FAT1: variants seen among roughly 807,000 people sequenced by gnomAD.
The protein encoded by FAT1 is FAT atypical cadherin 1, also known as protocadherin Fat 1.
In FAT1, 171 loss-of-function variants were observed where a neutral mutation model predicts 329.8. That is an observed-to-expected ratio of 0.52 (90% CI 0.46 to 0.59). The LOEUF is 0.59. Among genes scored for constraint, FAT1 ranks in the 20% least tolerant of loss-of-function variants. FAT1 has a pLI of 0.00. For synonymous variants in FAT1, 2,233 were observed against 2,228.6 expected, an observed-to-expected ratio of 1.00 and a Z score of -0.06; for missense variants, 5,672 against 5,774.4, an observed-to-expected ratio of 0.98 and a Z score of 0.57.
chr4:186,609,299 C>G lies in FAT1; in HGVS notation c.10090G>C (p.Gly3364Arg). 1 of 1,614,010 alleles carries G rather than the reference C, an allele frequency of 6.2e-7. No individual in the cohort carries two copies. The highest frequency in any genetic ancestry group is 8.5e-7 in the Non-Finnish European group (1 of 1,179,878). ...TAGTGGATGTGGCTGTTGGAAGGTC[C>G]ATCGGCATCATCGGCCATAACCTAG... ...VITVMADDAD[G>R]PSNSHIHYSI... The change falls in exon 16 of 27, where the codon GGA becomes CGA. Residue 3364 changes from glycine (G) to arginine (R), a missense_variant. Gly to Arg is a moderately radical substitution (Grantham distance 125). Coordinates refer to ENST00000441802, the MANE Select transcript of FAT1 (RefSeq NM_005245.4).
chr4:186,714,902 AC>A (rs1194832341), intron 1 of FAT1, among the ~76,000 whole-genome samples: 1 of 152,006 alleles, frequency 6.6e-6, no homozygotes, highest in Non-Finnish European at 1.5e-5. Context: ...ACATGGTGAA[AC>A]CCTGTCTCTA....
Position 186,606,161 on chromosome 4 carries a change from C to G in FAT1, c.10259G>C (p.Arg3420Thr), listed in dbSNP as rs1739125289. The change falls in exon 17 of 27, where the codon AGA becomes ACA. Residue 3420 changes from arginine to threonine, a missense_variant. Around this residue, in one of 2 missense-constraint regions of FAT1, gnomAD observed 1,706 missense variants for 1,859.1 expected, o/e 0.92. Coordinates refer to ENST00000441802, the MANE Select transcript of FAT1 (RefSeq NM_005245.4). ...GATGTTCACGGTCGTCGTGTTGACTCTGGGTGGACTGCCATTATCAGAAGC... is the reference window on the plus strand; with the variant it reads ...GATGTTCACGGTCGTCGTGTTGACTGTGGGTGGACTGCCATTATCAGAAGC... ...VQASDNGSPP[R>T]VNTTTVNIDV... 6.2e-7 allele frequency: 1 copy of G among 1,612,418 alleles called. No homozygotes were observed. The highest frequency in any genetic ancestry group is 8.5e-7 in the Non-Finnish European group (1 of 1,179,590).
At chr4:186,692,350 T>C (rs953653563) in intron 2 of FAT1, among the ~76,000 whole-genome samples, 4 of 152,090 alleles carry the variant, frequency 2.6e-5, no homozygotes, top group African/African-American at 7.3e-5. Context: ...TCTCGCTCTG[T>C]CGCCCAGGCT....
At chr4:186,639,841 G>T in intron 3 of FAT1, 58 bp from the exon 4 acceptor site, 1 of 1,402,434 alleles carries the variant, frequency 7.1e-7, no homozygotes, top group Non-Finnish European at 1.0e-6. Flanking sequence ...ACAAAATACT[G>T]CAATTAAAAT....
chr4:186,589,976 A>G (rs1738157262), intron 26 of FAT1, among the ~76,000 whole-genome samples: 1 of 152,214 alleles, frequency 6.6e-6, no homozygotes, highest in Non-Finnish European at 1.5e-5. Flanking sequence ...TAATATAGGT[A>G]TGTATCAAAG....
chr4:186,645,143 C>T (rs1451198572), intron 3 of FAT1, among the ~76,000 whole-genome samples: 1 of 151,790 alleles, frequency 6.6e-6, no homozygotes, highest in Non-Finnish European at 1.5e-5. Flanking sequence ...TGCTGCTCCA[C>T]CATTGCCTGA....
At chr4:186,686,769 AC>A (rs1743490156) in intron 2 of FAT1, among the ~76,000 whole-genome samples, 5 of 152,186 alleles carry the variant, frequency 3.3e-5, no homozygotes, top group Admixed American at 3.3e-4. Flanking sequence ...ATCCCATGAA[AC>A]AGTCTATCTG....
chr4:186,651,941 A>G (rs1741683717), intron 3 of FAT1, among the ~76,000 whole-genome samples: 1 of 152,216 alleles, frequency 6.6e-6, no homozygotes, highest in African/African-American at 2.4e-5. Flanking sequence ...CGGCAGGATT[A>G]GGCGTGGAGC....
chr4:186,617,972 A>G lies in FAT1; in HGVS notation c.8614T>C (p.Leu2872=). The G allele has an allele frequency of 6.2e-7, 1 of 1,614,008 alleles. No homozygotes were observed. The highest frequency in any genetic ancestry group is 8.5e-7 in the Non-Finnish European group (1 of 1,179,896). Reference sequence around the variant, plus strand: ...CTCTTTTCATGGTCAAGTTCCTTTAAAGTTGTAATCCAGCCTGTTTCCATG... The same window carrying G: ...CTCTTTTCATGGTCAAGTTCCTTTAGAGTTGTAATCCAGCCTGTTTCCATG... ...INMETGWITT[L]KELDHEKRDN... Residue 2872 remains leucine, a synonymous_variant, in exon 10 of 27, where the codon TTA becomes CTA. Coordinates refer to ENST00000441802, the MANE Select transcript of FAT1 (RefSeq NM_005245.4).
rs1356118512 is a variant in FAT1 at position 186,618,866 on chromosome 4, C to T, written c.7720G>A (p.Gly2574Arg). ...ISVRLMAKDA[G>R]GKVAFCTVNV... Reference sequence around the variant, plus strand: ...ACGGTGCAGAAAGCAACTTTTCCTCCAGCATCCTTAGCCATTAAACGGACT... The same window carrying T: ...ACGGTGCAGAAAGCAACTTTTCCTCTAGCATCCTTAGCCATTAAACGGACT... Residue 2574 changes from glycine to arginine, a missense_variant, in exon 10 of 27, where the codon GGA becomes AGA. Physicochemically the swap from Gly to Arg is moderately radical, Grantham distance 125. Coordinates refer to ENST00000441802, the MANE Select transcript of FAT1 (RefSeq NM_005245.4). The T allele has an allele frequency of 1.9e-6, 3 of 1,613,900 alleles. No homozygotes were observed. Among genetic ancestry groups the T allele is most frequent in the Non-Finnish European group, 2.5e-6 (3 of 1,179,902 alleles).
chr4:186,724,271 C>T (rs1579518331), upstream of FAT1, among the ~76,000 whole-genome samples: 2 of 150,860 alleles, frequency 1.3e-5, no homozygotes, highest in East Asian at 2.0e-4. This position sits in a 1 kb window ranked among gnomAD's most constrained non-coding sequence, Gnocchi z 5.3. Flanking sequence ...CTTCTGGGAG[C>T]CCCTGAATCT....
chr4:186,601,517 T>C (rs976870320), intron 20 of FAT1, 91 bp from the exon 21 acceptor site: 13 of 997,080 alleles, frequency 1.3e-5, no homozygotes, highest in Non-Finnish European at 1.5e-5. Context: ...GAGACTGATT[T>C]AGGGTTTTAT....
intron 2 of FAT1, among the ~76,000 whole-genome samples, chr4:186,693,248 T>C (rs1164019418): frequency 6.6e-6 from 1 of 152,198 alleles, no homozygotes; most frequent in African/African-American, 2.4e-5. Context: ...CATTTAACAT[T>C]CAGAAGGGAT....
chr4:186,719,676 C>T (rs775256384), intron 1 of FAT1, among the ~76,000 whole-genome samples: 15 of 152,174 alleles, frequency 9.9e-5, no homozygotes, highest in Admixed American at 4.6e-4. Flanking sequence ...TTAATCCTTT[C>T]GACTCTATGT....
intron 2 of FAT1, among the ~76,000 whole-genome samples, chr4:186,691,928 A>G (rs867309286): frequency 2.7e-5 from 4 of 148,356 alleles, no homozygotes; most frequent in Admixed American, 6.6e-5. Context: ...TGTGGCTACT[A>G]TTTTTTTTTA....
At chr4:186,693,761 T>C (rs115174331) in intron 2 of FAT1, among the ~76,000 whole-genome samples, 2 of 152,238 alleles carry the variant, frequency 1.3e-5, no homozygotes, top group African/African-American at 4.8e-5. Context: ...TGCCATTCTC[T>C]GTAATTTCCT....
At position 186,604,551 on chromosome 4, in the gene FAT1, G is replaced by C. The variant is rs763822216; in HGVS notation, c.10374C>G (p.Ser3458Arg). Residue 3458 changes from serine to arginine, a missense_variant, in exon 18 of 27, where the codon AGC (serine) becomes AGG (arginine). Ser to Arg is a moderately radical substitution (Grantham distance 110, BLOSUM62 -1). Around this residue, in one of 2 missense-constraint regions of FAT1, gnomAD observed 1,706 missense variants for 1,859.1 expected, o/e 0.92. Coordinates refer to ENST00000441802, the MANE Select transcript of FAT1 (RefSeq NM_005245.4). The part of the protein sequence containing the change: ...IIQENKPVGF[S>R]VLQLVVTDED... ...CATCTGTTACTACCAGCTGCAGCAC[G>C]CTGAAGCCCACTGGCTTATTTTCCT... The C allele has an allele frequency of 6.2e-7, 1 of 1,609,354 alleles. No homozygotes were observed. The highest frequency in any genetic ancestry group is 8.5e-7 in the Non-Finnish European group (1 of 1,178,250).
chr4:186,597,000 C>G lies in FAT1; in HGVS notation c.12540G>C (p.Ala4180=), dbSNP rs369440829. Residue 4180 remains alanine, a synonymous_variant, in exon 25 of 27, where the codon GCG becomes GCC. Coordinates refer to ENST00000441802, the MANE Select transcript of FAT1 (RefSeq NM_005245.4). This position sits in a 1 kb window ranked among gnomAD's most constrained non-coding sequence, Gnocchi z 4.7. ...YVSTPWNIGL[A]EGIGIVVFVA... ...CAAACACAACGATTCCAATTCCTTC[C>G]GCCAACCCAATGTTCCACGGCGTGG... 1.2e-6 allele frequency: 2 copies of G among 1,613,986 alleles called. No individual in the cohort carries two copies. Among genetic ancestry groups the G allele is most frequent in the South Asian group, 1.1e-5 (1 of 91,076 alleles).
Position 186,618,241 on chromosome 4 carries a change from C to T in FAT1, c.8345G>A (p.Cys2782Tyr), listed in dbSNP as rs2126492777. 6.2e-7 allele frequency: 1 copy of T among 1,614,034 alleles called. No individual in the cohort carries two copies. ...KWYQFSILAR[C>Y]TQDDHEMVAS... ...CACCATCTCATGGTCATCTTGAGTG[C>T]ACCTGGCCAGTATGGAAAACTGATA... is the stretch of plus-strand genomic sequence containing the variant. Residue 2782 changes from cysteine to tyrosine, a missense_variant, in exon 10 of 27, where the codon TGC becomes TAC. By Grantham distance (194) the Cys-to-Tyr change is radical. This residue lies in a region of FAT1 where 3,966 missense variants were observed against 3,915.2 expected (regional missense o/e 1.01). Coordinates refer to ENST00000441802, the MANE Select transcript of FAT1 (RefSeq NM_005245.4).
Sources: allele counts gnomAD v4.1 joint callset (sites outside exome capture counted in the v4.1 genomes callset), GRCh38; gene constraint gnomAD v4.1.1; regional missense constraint gnomAD v4.1.1; non-coding constraint Gnocchi (gnomAD v3.1); transcripts MANE v1.5; gene names NCBI Gene and HGNC (gene_info 2026-07-23, HGNC 2026-07-21).